The following FBXO40 variants were observed in gnomAD, a reference collection of about 807,000 sequenced individuals.
The protein encoded by FBXO40 is F-box only protein 40.
FBXO40 carries 50 observed loss-of-function variants against 49.9 expected under a neutral mutation model. The observed-to-expected ratio is 1.00, with a 90% CI of 0.80 to 1.27. FBXO40 has a LOEUF of 1.27. Among genes scored for constraint, FBXO40 ranks in the 50% most tolerant of loss-of-function variants. FBXO40 has a pLI of 0.00. For synonymous variants in FBXO40, 340 were observed against 320.2 expected (o/e 1.06, Z -0.66); for missense variants, 895 against 870.1 (o/e 1.03, Z -0.36).
At chr3:121,597,687 A>C (rs1242259256) in intron 1 of FBXO40, among the ~76,000 whole-genome samples, 4 of 135,762 alleles carry the variant, frequency 2.9e-5, no homozygotes, top group Non-Finnish European at 6.2e-5. Flanking sequence ...TTTGAGACAG[A>C]ATTTCACTCT....
At chr3:121,607,731 GC>G (rs750000285) in intron 1 of FBXO40, among the ~76,000 whole-genome samples, 61 of 152,090 alleles carry the variant, frequency 4.0e-4, no homozygotes, top group Non-Finnish European at 6.8e-4. Flanking sequence ...AAGTCTAGTT[GC>G]CAGACTTCAC....
Position 121,623,307 on chromosome 3 carries a change from T to G in FBXO40, c.1878T>G (p.Tyr626Ter). The part of the protein sequence containing the change: ...MVLLQWKKKR[Y>*]SHGGTSWRVH... ...TTTTGCAATGGAAGAAAAAGAGGTA[T>G]TCCCATGGAGGCACCTCCTGGAGAG... Residue 626 changes from tyrosine (Y) to a stop codon, truncating the protein, a stop_gained, in exon 3 of 4, where the codon TAT becomes TAG. Coordinates refer to ENST00000338040, the MANE Select transcript of FBXO40 (RefSeq NM_016298.4). LOFTEE classifies it high-confidence loss of function. 1 of 1,614,216 alleles carries G rather than the reference T, an allele frequency of 6.2e-7. No individual in the cohort carries two copies. The highest frequency in any genetic ancestry group is 2.2e-5 in the East Asian group (1 of 44,886).
chr3:121,628,677 T>A lies in FBXO40; in HGVS notation c.*1767T>A, dbSNP rs1408958757. On this transcript the variant is annotated 3_prime_UTR_variant, in exon 4 of 4. Transcript: ENST00000338040. ...GTGACAATAAGTTAGGATATGCTTA[T>A]TTTTTAGTACAGCAAAATCTTATCG... is the stretch of plus-strand genomic sequence containing the variant. 1 of 152,256 alleles carries A rather than the reference T, an allele frequency of 6.6e-6. No individual in the cohort carries two copies. Among genetic ancestry groups the A allele is most frequent in the African/African-American group, 2.4e-5 (1 of 41,466 alleles). The allele number at this position is 152,256 out of a possible 1,614,324, so 9.4% of individuals were successfully genotyped here.
At chr3:121,617,399 T>C (rs1344761377) in intron 1 of FBXO40, among the ~76,000 whole-genome samples, 1 of 151,570 alleles carries the variant, frequency 6.6e-6, no homozygotes, top group African/African-American at 2.4e-5. Context: ...ATCGAGACCA[T>C]CCTGGACAAC....
At position 121,623,146 on chromosome 3, in the gene FBXO40, T is replaced by C. The variant is rs757931041; in HGVS notation, c.1717T>C (p.Leu573=). The C allele has an allele frequency of 4.3e-6, 7 of 1,614,222 alleles. No individual in the cohort carries two copies. The South Asian group carries it at 7.7e-5, about 18-fold the overall frequency. The change falls in exon 3 of 4, where the codon TTA becomes CTA. Residue 573 remains leucine, a synonymous_variant. Transcript: ENST00000338040. ...TCATGGAGGAAAAAGCCAGAATTCT[T>C]TAACCAGCCTGCCCCTGGAGATTTT... ...LGHGGKSQNS[L]TSLPLEILKY... is the part of the protein sequence containing the mutation.
At chr3:121,598,441 T>A (rs1021850979) in intron 1 of FBXO40, among the ~76,000 whole-genome samples, 2 of 152,382 alleles carry the variant, frequency 1.3e-5, no homozygotes, top group African/African-American at 4.8e-5. Flanking sequence ...ATAGGAGCTT[T>A]AAAATTCCCC....
At chr3:121,626,582 CTGGAGTCTAAGAATA>C (rs1287552601) in intron 3 of FBXO40, 98 bp from the exon 4 acceptor site, 2 of 942,866 alleles carry the variant, frequency 2.1e-6, no homozygotes, top group Non-Finnish European at 1.7e-6. Flanking sequence ...ACTAAACACT[CTGGAGTCTAAGAATA>C]TGAAGAACAG....
rs760364901 is a variant in FBXO40, at chr3:121,622,891, T to A, written c.1462T>A (p.Phe488Ile). Residue 488 changes from phenylalanine to isoleucine, a missense_variant, in exon 3 of 4, where the codon TTC becomes ATC. Transcript: ENST00000338040. ...CAACAAATTCTTCAGGAGGGATGAG[T>A]TCCCCCTGCACTTCAAGAATGTCCA... The part of the protein sequence containing the change: ...TCNKFFRRDE[F>I]PLHFKNVHTD... 19 of 1,613,338 alleles carry A rather than the reference T, an allele frequency of 1.2e-5. No homozygotes were observed. The East Asian group carries it at 2.9e-4, about 25-fold the overall frequency.
In FBXO40 at chr3:121,621,722, A is replaced by G. The variant is rs2049032202; in HGVS notation, c.293A>G (p.Glu98Gly). 3.7e-6 allele frequency: 6 copies of G among 1,614,224 alleles called. No homozygotes were observed. In the East Asian group the frequency reaches 1.3e-4, roughly 36 times the overall value. Residue 98 changes from glutamate to glycine, a missense_variant, in exon 3 of 4, where the codon GAG (glutamate) becomes GGG (glycine). Glu to Gly is a moderately conservative substitution (Grantham distance 98). Coordinates refer to ENST00000338040, the MANE Select transcript of FBXO40 (RefSeq NM_016298.4). ...CPASVVCCSM[E>G]WNRWPNVDSE... ...GCCAGCGTGGTCTGCTGCTCCATGG[A>G]GTGGAACCGCTGGCCAAATGTGGAC...
intron 1 of FBXO40, among the ~76,000 whole-genome samples, chr3:121,613,704 T>A (rs758347015): frequency 6.6e-6 from 1 of 152,164 alleles, no homozygotes. Context: ...GTAACTGCAG[T>A]AATGGAGAAG....
chr3:121,600,882 G>A (rs577468805), intron 1 of FBXO40, among the ~76,000 whole-genome samples: 1 of 152,290 alleles, frequency 6.6e-6, no homozygotes, highest in East Asian at 1.9e-4. Context: ...ATCTAGGAAA[G>A]TCACACAAAC....
At chr3:121,609,612 C>A (rs2048953705) in intron 1 of FBXO40, among the ~76,000 whole-genome samples, 1 of 152,078 alleles carries the variant, frequency 6.6e-6, no homozygotes, top group African/African-American at 2.4e-5. Flanking sequence ...CCTTATCTTC[C>A]TTTTTTCTCT....
chr3:121,628,657 A>G lies in FBXO40; in HGVS notation c.*1747A>G, dbSNP rs966341906. ...CCCTAAAGGATGTCATACTAGTGAC[A>G]ATAAGTTAGGATATGCTTATTTTTT... On this transcript the variant is annotated 3_prime_UTR_variant, in exon 4 of 4. Coordinates refer to ENST00000338040, the MANE Select transcript of FBXO40 (RefSeq NM_016298.4). 2 of 152,264 alleles carry G rather than the reference A, an allele frequency of 1.3e-5. No homozygotes were observed. Among genetic ancestry groups the G allele is most frequent in the African/African-American group, 2.4e-5 (1 of 41,474 alleles). The allele number at this position is 152,264 out of a possible 1,614,324, so 9.4% of individuals were successfully genotyped here. A position where few individuals can be genotyped will look rare whatever the true frequency, so the allele number is the denominator to read the frequency against.
intron 3 of FBXO40, among the ~76,000 whole-genome samples, chr3:121,625,769 A>T (rs2049058563): frequency 6.6e-6 from 1 of 152,218 alleles, no homozygotes; most frequent in South Asian, 2.1e-4. Flanking sequence ...GCTAAAGGAT[A>T]CTCACATTAG....
chr3:121,623,456 C>T (rs2108851875), intron 3 of FBXO40, 113 bp downstream of exon 3: 1 of 847,770 alleles, frequency 1.2e-6, no homozygotes, highest in Non-Finnish European at 1.8e-6. Flanking sequence ...CAATCACAGC[C>T]TTGAACTTCT....
chr3:121,612,188 G>A (rs2048969748), intron 1 of FBXO40, among the ~76,000 whole-genome samples: 1 of 152,066 alleles, frequency 6.6e-6, no homozygotes, highest in Non-Finnish European at 1.5e-5. Context: ...GCATAAGGCT[G>A]TCAGGCACAG....
chr3:121,608,065 ATGTCTGGGGCTG>A (rs1428765859), intron 1 of FBXO40, among the ~76,000 whole-genome samples: 3 of 152,162 alleles, frequency 2.0e-5, no homozygotes, highest in Non-Finnish European at 4.4e-5. Context: ...TGGCTCGGCT[ATGTCTGGGGCTG>A]TGGGCACTAG....
intron 1 of FBXO40, among the ~76,000 whole-genome samples, chr3:121,594,793 T>G (rs995466577): frequency 6.6e-6 from 1 of 152,216 alleles, no homozygotes; most frequent in African/African-American, 2.4e-5. Flanking sequence ...AAAACTTATA[T>G]AGGCTTATGC....
intron 1 of FBXO40, among the ~76,000 whole-genome samples, chr3:121,611,955 G>A (rs1406608138): frequency 6.6e-6 from 1 of 151,950 alleles, no homozygotes; most frequent in Non-Finnish European, 1.5e-5. Context: ...CCAGGTTGGG[G>A]CAAAGTGGCT....
Sources: allele counts gnomAD v4.1 joint callset (sites outside exome capture counted in the v4.1 genomes callset), GRCh38; gene constraint gnomAD v4.1.1; transcripts MANE v1.5; gene names NCBI Gene and HGNC (gene_info 2026-07-23, HGNC 2026-07-21).